HMCN2: variants seen among roughly 807,000 people sequenced by gnomAD.
HMCN2 encodes the protein hemicentin-2.
HMCN2 carries 325 observed loss-of-function variants against 377.5 expected under a neutral mutation model. The ratio of observed to expected loss-of-function variants is 0.86; its 90% CI spans 0.79 to 0.94. HMCN2 has a LOEUF of 0.94. HMCN2 is among the 40% of genes least tolerant of loss of function. The pLI is 0.00. For synonymous variants in HMCN2, 2,007 were observed against 2,046.8 expected, an observed-to-expected ratio of 0.98 and a Z score of 0.53; for missense variants, 4,543 against 4,725.3, an observed-to-expected ratio of 0.96 and a Z score of 1.13.
At chr9:130,326,650 G>A (rs1457273174) in intron 21 of HMCN2, among the ~76,000 whole-genome samples, 4 of 152,144 alleles carry the variant, frequency 2.6e-5, no homozygotes, top group Non-Finnish European at 5.9e-5. Flanking sequence ...GAACACGGGA[G>A]GGCTAGATGG....
intron 81 of HMCN2, 149 bp downstream of exon 81, chr9:130,405,208 C>A: frequency 4.0e-6 from 2 of 504,042 alleles, no homozygotes; most frequent in Non-Finnish European, 2.8e-6. Context: ...AGAACTGAGG[C>A]TCAAAGTGTA....
intron 4 of HMCN2, among the ~76,000 whole-genome samples, chr9:130,290,807 G>A (rs567043464): frequency 3.3e-5 from 5 of 149,888 alleles, no homozygotes; most frequent in South Asian, 2.1e-4. Flanking sequence ...TTCTTGTCAC[G>A]TGATAGTTGA....
At position 130,304,804 on chromosome 9, in the gene HMCN2, G is replaced by A. The variant is rs1554935989; in HGVS notation, c.1618G>A (p.Val540Ile). 2.1e-6 allele frequency: 1 copy of A among 471,228 alleles called. No individual in the cohort carries two copies. The highest frequency in any genetic ancestry group is 4.4e-6 in the Non-Finnish European group (1 of 227,064). 29.2% of individuals were successfully genotyped at this position (471,228 alleles called of 1,614,324 possible). ...PGETAVLSCR[V>I]LGEAPYNLTW... ...GGAGACTGCCGTCCTATCCTGCCGG[G>A]TCCTAGGCGAGGCCCCCTACAACCT... The change falls in exon 11 of 98, where the codon GTC becomes ATC. Residue 540 changes from valine (V) to isoleucine (I), a missense_variant. This residue lies in a region of HMCN2 where 547 missense variants were observed against 189.9 expected (regional missense o/e 2.88). Transcript: ENST00000683500. The surrounding 1 kb of genome is among the most constrained non-coding windows in gnomAD (Gnocchi z 4.3).
intron 53 of HMCN2, among the ~76,000 whole-genome samples, 157 bp downstream of exon 53, chr9:130,377,956 C>G (rs374496223): frequency 3.9e-4 from 60 of 152,334 alleles, no homozygotes; most frequent in African/African-American, 1.4e-3. Context: ...GGCACCCTGC[C>G]CCAACCCCTC....
At chr9:130,365,087 C>A (rs912627591) in intron 41 of HMCN2, among the ~76,000 whole-genome samples, 198 bp downstream of exon 41, 1 of 152,238 alleles carries the variant, frequency 6.6e-6, no homozygotes, top group African/African-American at 2.4e-5. Context: ...GGGTTAGAAC[C>A]TTCCTCACCT....
chr9:130,377,923 G>T (rs1374995639), intron 53 of HMCN2, 124 bp downstream of exon 53: 5 of 748,590 alleles, frequency 6.7e-6, no homozygotes, highest in Non-Finnish European at 8.2e-6. Context: ...ATCTCCCACT[G>T]GCTCATCTCA....
intron 49 of HMCN2, among the ~76,000 whole-genome samples, chr9:130,375,208 T>A (rs997913084): frequency 6.6e-6 from 1 of 152,184 alleles, no homozygotes; most frequent in Admixed American, 6.5e-5. Flanking sequence ...GCTACTCTAC[T>A]CAGCGGGGAA....
At chr9:130,267,596 A>G (rs1025525996) in intron 1 of HMCN2, among the ~76,000 whole-genome samples, 1 of 152,220 alleles carries the variant, frequency 6.6e-6, no homozygotes, top group Non-Finnish European at 1.5e-5. Flanking sequence ...ATTAATCACA[A>G]TACCATTACA....
chr9:130,355,935 G>A (rs909364786), intron 33 of HMCN2, 81 bp downstream of exon 33: 1 of 978,456 alleles, frequency 1.0e-6, no homozygotes, highest in East Asian at 6.2e-5. Context: ...AAGTGGACAG[G>A]AGAGAGGCTT....
At chr9:130,412,567 C>CTTTTTTTTTTTTTTT (rs55873444) in intron 85 of HMCN2, among the ~76,000 whole-genome samples, 2 of 134,528 alleles carry the variant, frequency 1.5e-5, no homozygotes, top group African/African-American at 2.7e-5. Context: ...CTTTCTTTCT[C>CTTTTTTTTTTTTTTT]TTTTTTTTTT....
At chr9:130,292,181 T>C (rs186524247) in intron 4 of HMCN2, among the ~76,000 whole-genome samples, 2 of 152,338 alleles carry the variant, frequency 1.3e-5, no homozygotes, top group Admixed American at 1.3e-4. Context: ...AGCATCCTAC[T>C]ATTACTGATG....
Position 130,403,177 on chromosome 9 carries a change from AC to A in HMCN2, c.11879-12del. The A allele has an allele frequency of 7.8e-7, 1 of 1,285,254 alleles. No homozygotes were observed. Among genetic ancestry groups the A allele is most frequent in the Non-Finnish European group, 1.0e-6 (1 of 986,082 alleles). 79.6% of individuals were successfully genotyped at this position (1,285,254 alleles called of 1,614,324 possible). A position where few individuals can be genotyped will look rare whatever the true frequency, so the allele number is the denominator to read the frequency against. Reference sequence around the variant, plus strand: ...TAAGGACATTCTCAGGGCCCTCTGCACCCCCGTCCTTTGTAGCCTCCCCGGT... The same window carrying A: ...TAAGGACATTCTCAGGGCCCTCTGCACCCCGTCCTTTGTAGCCTCCCCGGT... On this transcript the variant is annotated splice_polypyrimidine_tract_variant and intron_variant, in intron 78 of 97. Coordinates refer to ENST00000683500, the MANE Select transcript of HMCN2 (RefSeq NM_001291815.2).
intron 22 of HMCN2, among the ~76,000 whole-genome samples, chr9:130,336,042 G>A (rs904760018): frequency 5.9e-5 from 9 of 152,338 alleles, no homozygotes; most frequent in African/African-American, 2.2e-4. Flanking sequence ...AGCAGAGGGT[G>A]TGAGCCTGTA....
At chr9:130,292,966 C>CTA (rs1835868779) in intron 4 of HMCN2, among the ~76,000 whole-genome samples, 1 of 125,706 alleles carries the variant, frequency 8.0e-6, no homozygotes, top group African/African-American at 2.6e-5. Flanking sequence ...CTCTATCTAT[C>CTA]TATCTATCTA....
intron 7 of HMCN2, among the ~76,000 whole-genome samples, chr9:130,298,572 TACC>T (rs1166292524): frequency 6.6e-6 from 1 of 152,178 alleles, no homozygotes; most frequent in Non-Finnish European, 1.5e-5. Flanking sequence ...GTGTGAAAAG[TACC>T]ACATTTCCAT....
intron 15 of HMCN2, among the ~76,000 whole-genome samples, chr9:130,317,876 G>A (rs1041880190): frequency 6.6e-6 from 1 of 152,064 alleles, no homozygotes; most frequent in Non-Finnish European, 1.5e-5. Context: ...AATTGAAAGC[G>A]GTCTGGGAGG....
rs139854991 is a variant in HMCN2 at position 130,290,050 on chromosome 9, G to A, written c.612+3740G>A. Among the ~76,000 whole-genome samples, 547 of 152,302 alleles carry A rather than the reference G, an allele frequency of 3.6e-3. 2 individuals carry two copies. The highest frequency in any genetic ancestry group is 0.012 in the African/African-American group (514 of 41,558). ...CTGGGGGAGCACTGCCAGATTTTTC[G>A]TTCCTTCCCCATGGGTGACAGAGAT... On this transcript the variant is annotated intron_variant, in intron 4 of 97. Coordinates refer to ENST00000683500, the MANE Select transcript of HMCN2 (RefSeq NM_001291815.2).
chr9:130,325,337 T>C (rs1467532574), intron 19 of HMCN2, among the ~76,000 whole-genome samples: 2 of 151,974 alleles, frequency 1.3e-5, no homozygotes, highest in African/African-American at 4.8e-5. Flanking sequence ...CTCAAGTGAT[T>C]CTCCCGCCTC....
chr9:130,354,423 G>A (rs1839909430), intron 31 of HMCN2, among the ~76,000 whole-genome samples: 1 of 152,214 alleles, frequency 6.6e-6, no homozygotes, highest in East Asian at 1.9e-4. Flanking sequence ...GGCCCTGGGG[G>A]TCTTATTTGA....
Sources: gnomAD v4.1 joint callset for allele counts (sites outside exome capture counted in the v4.1 genomes callset) on GRCh38, gnomAD v4.1.1 for gene constraint, gnomAD v4.1.1 regional missense constraint, Gnocchi (gnomAD v3.1) non-coding constraint, MANE v1.5 for transcripts, NCBI Gene and HGNC (gene_info 2026-07-23, HGNC 2026-07-21) for gene names.